GTF3C3: variants seen among roughly 807,000 people sequenced by gnomAD.
GTF3C3 encodes the protein general transcription factor 3C polypeptide 3.
A neutral mutation model predicts 105.2 loss-of-function variants in GTF3C3; 75 were observed. That is an observed-to-expected ratio of 0.71 (90% CI 0.59 to 0.86). The LOEUF is 0.86. GTF3C3 is among the 40% of genes least tolerant of loss of function. GTF3C3 has a pLI of 0.00. For synonymous variants in GTF3C3, 335 were observed against 370.4 expected (o/e 0.90, Z 1.10); for missense variants, 856 against 1,076.5 (o/e 0.80, Z 2.87).
At chr2:196,769,355 A>G (rs1699129455) in intron 16 of GTF3C3, among the ~76,000 whole-genome samples, 1 of 152,224 alleles carries the variant, frequency 6.6e-6, no homozygotes, top group Admixed American at 6.5e-5. Context: ...TCAAACATAC[A>G]AAAATGAAGT....
intron 1 of GTF3C3, among the ~76,000 whole-genome samples, chr2:196,799,033 T>C (rs1699698990): frequency 6.6e-6 from 1 of 152,108 alleles, no homozygotes; most frequent in South Asian, 2.1e-4. Flanking sequence ...TATCGGACAA[T>C]ACTTTTTTAT....
intron 15 of GTF3C3, among the ~76,000 whole-genome samples, chr2:196,770,336 C>A (rs781346027): frequency 6.6e-6 from 1 of 152,164 alleles, no homozygotes; most frequent in Non-Finnish European, 1.5e-5. Flanking sequence ...TTATCAGCTG[C>A]AATCATTAAA....
intron 8 of GTF3C3, among the ~76,000 whole-genome samples, chr2:196,781,361 T>A (rs376303878): frequency 0.09 from 6,727 of 74,764 alleles, 687 homozygotes; most frequent in African/African-American, 0.26. Context: ...AAAAAAAATA[T>A]ATATATATAT....
chr2:196,794,395 G>T (rs955232692), intron 2 of GTF3C3, among the ~76,000 whole-genome samples: 5 of 152,042 alleles, frequency 3.3e-5, no homozygotes, highest in Non-Finnish European at 5.9e-5. Context: ...TATATATAGA[G>T]AGATATATTT....
At chr2:196,778,054 T>C (rs1485808477) in intron 10 of GTF3C3, 3 of 152,244 alleles carry the variant, frequency 2.0e-5, no homozygotes, top group East Asian at 1.9e-4. Flanking sequence ...TCCTAGCTCA[T>C]ATCTGTGATG....
chr2:196,766,585 G>A lies in GTF3C3; in HGVS notation c.2518C>T (p.Leu840Phe). 1 of 1,610,398 alleles carries A rather than the reference G, an allele frequency of 6.2e-7. No individual in the cohort carries two copies. ...AATACCTCTACCACAAGTGGAGGGA[G>A]CTCCAGGGCCTTCTGATAATAGTGG... Reference protein sequence around the residue: ...AIHYYQKALELPPLVVEGIEL... With the variant: ...AIHYYQKALEFPPLVVEGIEL... Residue 840 changes from leucine to phenylalanine, a missense_variant, in exon 17 of 18, where the codon CTC (leucine) becomes TTC (phenylalanine). Physicochemically the swap from Leu to Phe is conservative, Grantham distance 22. This residue lies in a region of GTF3C3 where 134 missense variants were observed against 128.9 expected (regional missense o/e 1.04). Coordinates refer to ENST00000263956, the MANE Select transcript of GTF3C3 (RefSeq NM_012086.5).
chr2:196,778,828 A>G, intron 10 of GTF3C3, 68 bp downstream of exon 10: 1 of 1,361,918 alleles, frequency 7.3e-7, no homozygotes, highest in Non-Finnish European at 1.1e-6. Flanking sequence ...AATTATTACC[A>G]TCTTGGGAAA....
At chr2:196,785,002 A>G (rs1185515613) in intron 7 of GTF3C3, 73 bp from the exon 8 acceptor site, 1 of 988,342 alleles carries the variant, frequency 1.0e-6, no homozygotes, top group Non-Finnish European at 1.5e-6. Flanking sequence ...AGATTTGTAC[A>G]GTTATTTCAA....
chr2:196,777,443 A>G (rs1699278826), intron 10 of GTF3C3, among the ~76,000 whole-genome samples: 1 of 152,160 alleles, frequency 6.6e-6, no homozygotes, highest in Non-Finnish European at 1.5e-5. Flanking sequence ...CAATCAATAC[A>G]TGCGATCATT....
At chr2:196,769,668 A>G (rs1401938595) in intron 16 of GTF3C3, among the ~76,000 whole-genome samples, 1 of 152,116 alleles carries the variant, frequency 6.6e-6, no homozygotes, top group African/African-American at 2.4e-5. Flanking sequence ...GCATTCCTCC[A>G]GATTCTGCCT....
At chr2:196,795,894 T>G (rs1360714034) in intron 2 of GTF3C3, among the ~76,000 whole-genome samples, 1 of 152,158 alleles carries the variant, frequency 6.6e-6, no homozygotes, top group East Asian at 1.9e-4. Flanking sequence ...CCAAAATAAA[T>G]CTACATACAA....
intron 8 of GTF3C3, among the ~76,000 whole-genome samples, chr2:196,781,808 A>G (rs73062931): frequency 0.11 from 16,039 of 152,164 alleles, 1,051 homozygotes; most frequent in African/African-American, 0.19. Flanking sequence ...CCTACCATGT[A>G]AATTTACTCA....
intron 9 of GTF3C3, 38 bp from the exon 10 acceptor site, chr2:196,779,105 T>G: frequency 6.5e-7 from 1 of 1,539,116 alleles, no homozygotes; most frequent in Non-Finnish European, 9.0e-7. Flanking sequence ...AAACATTCAT[T>G]ACAAACGTGC....
chr2:196,776,838 T>C lies in GTF3C3; in HGVS notation c.1391-209A>G, dbSNP rs1457657171. ...TGCTAAGGAGTAATCAGTGTATACA[T>C]ATAATTTAGGGTTCTGCTTTATTCA... On this transcript the variant is annotated intron_variant, in intron 10 of 17. Coordinates refer to ENST00000263956, the MANE Select transcript of GTF3C3 (RefSeq NM_012086.5). The surrounding 1 kb of genome is among the most constrained non-coding windows in gnomAD (Gnocchi z 4.5). 6.6e-6 allele frequency among the ~76,000 whole-genome samples: 1 copy of C among 152,222 alleles called. No individual in the cohort carries two copies. The highest frequency in any genetic ancestry group is 1.5e-5 in the Non-Finnish European group (1 of 68,028).
chr2:196,797,736 TA>T (rs1699670375), intron 2 of GTF3C3, 60 bp downstream of exon 2: 2 of 947,526 alleles, frequency 2.1e-6, no homozygotes, highest in Non-Finnish European at 1.7e-6. Context: ...AATGTTTCAC[TA>T]AATTACTTTG....
chr2:196,773,713 C>G, intron 13 of GTF3C3: 1 of 426,488 alleles, frequency 2.3e-6, no homozygotes, highest in South Asian at 1.7e-5. Context: ...TTTCCTGCAA[C>G]TAGACAGTAC....
chr2:196,765,073 A>ACTT (rs1008871935), intron 17 of GTF3C3, among the ~76,000 whole-genome samples: 1 of 152,172 alleles, frequency 6.6e-6, no homozygotes, highest in South Asian at 2.1e-4. Context: ...TTCATAAAAA[A>ACTT]CTTCTCTGTG....
chr2:196,769,825 A>C (rs946416034), intron 16 of GTF3C3, 90 bp downstream of exon 16: 2 of 1,067,000 alleles, frequency 1.9e-6, no homozygotes, highest in African/African-American at 3.2e-5. Flanking sequence ...ATTGTGTATT[A>C]CTTTTGAAGC....
At chr2:196,772,692 T>C (rs778445227) in intron 14 of GTF3C3, among the ~76,000 whole-genome samples, 42 of 152,268 alleles carry the variant, frequency 2.8e-4, no homozygotes, top group Non-Finnish European at 4.0e-4. Flanking sequence ...CACTAGAGAT[T>C]ACCTAACTAG....
Sources: allele counts gnomAD v4.1 joint callset (sites outside exome capture counted in the v4.1 genomes callset), GRCh38; gene constraint gnomAD v4.1.1; regional missense constraint gnomAD v4.1.1; non-coding constraint Gnocchi (gnomAD v3.1); transcripts MANE v1.5; gene names NCBI Gene and HGNC (gene_info 2026-07-23, HGNC 2026-07-21).